The following TBC1D32 variants were observed in gnomAD, a reference collection of about 807,000 sequenced individuals.
TBC1D32 encodes the protein protein broad-minded.
In TBC1D32, 151 loss-of-function variants were observed where a neutral mutation model predicts 170.3. That is an observed-to-expected ratio of 0.89 (90% confidence interval 0.78 to 1.01). TBC1D32 has a LOEUF of 1.01. TBC1D32 is among the 50% of genes least tolerant of loss of function. TBC1D32 has a pLI of 0.00. For synonymous variants in TBC1D32, 498 were observed against 488.0 expected, an observed-to-expected ratio of 1.02 and a Z score of -0.27; for missense variants, 1,464 against 1,457.1, an observed-to-expected ratio of 1.00 and a Z score of -0.08.
chr6:121,309,723 T>C (rs1259866220), intron 4 of TBC1D32, among the ~76,000 whole-genome samples: 3 of 152,150 alleles, frequency 2.0e-5, no homozygotes, highest in Non-Finnish European at 2.9e-5. Flanking sequence ...CAATTCAATA[T>C]AATTGCTTCT....
At chr6:121,141,007 G>A (rs1782715911) in intron 24 of TBC1D32, among the ~76,000 whole-genome samples, 1 of 152,058 alleles carries the variant, frequency 6.6e-6, no homozygotes, top group Non-Finnish European at 1.5e-5. Context: ...AAAAAATACA[G>A]GAGAAAGAAA....
intron 21 of TBC1D32, among the ~76,000 whole-genome samples, chr6:121,214,283 GCCTGTGGCA>G (rs1234781484): frequency 6.6e-6 from 1 of 152,148 alleles, no homozygotes; most frequent in Non-Finnish European, 1.5e-5. Flanking sequence ...AACCTGTGTG[GCCTGTGGCA>G]CCTTTGCCTG....
At position 121,198,259 on chromosome 6, in the gene TBC1D32, T is replaced by A. The variant is rs13217456; in HGVS notation, c.2570+6816A>T. Among the ~76,000 whole-genome samples, 34 of 139,618 alleles carry A rather than the reference T, an allele frequency of 2.4e-4. No homozygotes were observed. The East Asian group carries it at 6.8e-3, about 28-fold the overall frequency. 91.6% of individuals were successfully genotyped at this position (139,618 alleles called of 152,430 possible). On this transcript the variant is annotated intron_variant, in intron 22 of 31. Coordinates refer to ENST00000398212, the MANE Select transcript of TBC1D32 (RefSeq NM_152730.6). ...TAAATATATATATTATATATATATA[T>A]AATATATATATATAATATACACACA...
At chr6:121,218,997 C>T (rs1794181928) in intron 21 of TBC1D32, among the ~76,000 whole-genome samples, 1 of 152,138 alleles carries the variant, frequency 6.6e-6, no homozygotes, top group African/African-American at 2.4e-5. Context: ...GTTATCCAGT[C>T]TCAAGTATGT....
chr6:121,122,428 TAAC>T, intron 26 of TBC1D32, among the ~76,000 whole-genome samples: 1 of 152,100 alleles, frequency 6.6e-6, no homozygotes, highest in Middle Eastern at 3.4e-3. Context: ...ATCTGACTTT[TAAC>T]ACCACCAATT....
chr6:121,193,268 T>G (rs1310808874), intron 22 of TBC1D32, among the ~76,000 whole-genome samples: 4 of 152,206 alleles, frequency 2.6e-5, no homozygotes, highest in Admixed American at 2.0e-4. Flanking sequence ...AAATACAGAT[T>G]AAATGATGGC....
At chr6:121,272,367 G>C (rs546906373) in intron 15 of TBC1D32, among the ~76,000 whole-genome samples, 1 of 152,092 alleles carries the variant, frequency 6.6e-6, no homozygotes, top group East Asian at 1.9e-4. Flanking sequence ...ATCTGACAAA[G>C]GGCTAATATC....
intron 3 of TBC1D32, among the ~76,000 whole-genome samples, chr6:121,316,667 T>A (rs1808973586): frequency 6.6e-6 from 1 of 152,148 alleles, no homozygotes; most frequent in Non-Finnish European, 1.5e-5. Flanking sequence ...TTCCACTATT[T>A]CCAAAACCAA....
At chr6:121,223,413 G>T in intron 20 of TBC1D32, 61 bp from the exon 21 acceptor site, 1 of 1,086,314 alleles carries the variant, frequency 9.2e-7, no homozygotes, top group Non-Finnish European at 1.4e-6. Context: ...TCCATGGAGA[G>T]TCATTAATGT....
At chr6:121,251,096 GA>G (rs201001988) in intron 17 of TBC1D32, among the ~76,000 whole-genome samples, 2,274 of 151,920 alleles carry the variant, frequency 0.015, 41 homozygotes, top group African/African-American at 0.044. Context: ...AAACAAATGG[GA>G]AAACATTCCA....
At chr6:121,145,416 T>C (rs1043865699) in intron 24 of TBC1D32, among the ~76,000 whole-genome samples, 3 of 152,016 alleles carry the variant, frequency 2.0e-5, no homozygotes, top group African/African-American at 7.2e-5. Flanking sequence ...CTGAAAAATT[T>C]AAACTCATAG....
intron 15 of TBC1D32, among the ~76,000 whole-genome samples, chr6:121,274,593 A>T (rs1801976430): frequency 6.6e-6 from 1 of 152,126 alleles, no homozygotes; most frequent in Non-Finnish European, 1.5e-5. Context: ...ATACATGTAC[A>T]ATTATTATGT....
chr6:121,322,271 C>T (rs1020704608), intron 1 of TBC1D32, among the ~76,000 whole-genome samples: 2 of 152,134 alleles, frequency 1.3e-5, no homozygotes, highest in African/African-American at 4.8e-5. Context: ...TCCACCTAAA[C>T]AGTTCTTATG....
chr6:121,253,289 G>A (rs1231234752), intron 17 of TBC1D32, among the ~76,000 whole-genome samples: 1 of 152,046 alleles, frequency 6.6e-6, no homozygotes, highest in Non-Finnish European at 1.5e-5. Context: ...ATTAAAAAGT[G>A]GGCAAAGGAC....
chr6:121,197,523 CATT>C (rs1790895541), intron 22 of TBC1D32, among the ~76,000 whole-genome samples: 2 of 152,136 alleles, frequency 1.3e-5, no homozygotes, highest in Admixed American at 6.5e-5. Context: ...TGTACTAAGA[CATT>C]ATCTTCATTT....
chr6:121,198,148 C>A (rs540482238), intron 22 of TBC1D32, among the ~76,000 whole-genome samples: 1 of 143,320 alleles, frequency 7.0e-6, no homozygotes, highest in South Asian at 2.2e-4. Context: ...ATAAACTCCC[C>A]TTTGTAGATA....
intron 17 of TBC1D32, among the ~76,000 whole-genome samples, chr6:121,249,984 C>T (rs944613488): frequency 6.6e-6 from 1 of 151,674 alleles, no homozygotes; most frequent in Admixed American, 6.6e-5. Flanking sequence ...AAAAAAAAAT[C>T]TCAAAATTCA....
At chr6:121,211,200 C>G (rs922144341) in intron 21 of TBC1D32, among the ~76,000 whole-genome samples, 1 of 152,050 alleles carries the variant, frequency 6.6e-6, no homozygotes, top group Non-Finnish European at 1.5e-5. Flanking sequence ...GCTCTGTATA[C>G]TGCTATAGAG....
chr6:121,158,410 A>C lies in TBC1D32; in HGVS notation c.2773+1600T>G, dbSNP rs555067925. ...TTTCTTTTAGCTCCTGGATCATTGC[A>C]CTGGATTCCTTGGATTTCTAGGACT... On this transcript the variant is annotated intron_variant, in intron 24 of 31. Transcript: ENST00000398212. Among the ~76,000 whole-genome samples the C allele has an allele frequency of 4.6e-5, 7 of 152,234 alleles. No individual in the cohort carries two copies. In the South Asian group the frequency reaches 1.4e-3, roughly 32 times the overall value.
Sources: allele counts gnomAD v4.1 joint callset (sites outside exome capture counted in the v4.1 genomes callset), GRCh38; gene constraint gnomAD v4.1.1; transcripts MANE v1.5; gene names NCBI Gene and HGNC (gene_info 2026-07-23, HGNC 2026-07-21).